The following PCSK2 variants were observed in gnomAD, a reference collection of about 807,000 sequenced individuals.
PCSK2 encodes the protein proprotein convertase subtilisin/kexin type 2.
In PCSK2, 14 loss-of-function variants were observed where a neutral mutation model predicts 69.7. The ratio of observed to expected loss-of-function variants is 0.20; its 90% CI spans 0.13 to 0.31. PCSK2 has a LOEUF of 0.31. Ranked by LOEUF, PCSK2 falls within the 10% of genes least tolerant of loss-of-function variation. The probability of loss-of-function intolerance (pLI) is 1.00; values close to 1 mark genes in which losing one functional copy is unlikely to be tolerated. For missense variants in PCSK2, 544 were observed against 842.5 expected (o/e 0.65, Z 4.39); for synonymous variants, 307 against 320.7 (o/e 0.96, Z 0.46).
rs528910473 is a variant in PCSK2, at chr20:17,228,437, G to A, written c.177+955G>A. The A allele has an allele frequency of 2.0e-5, 3 of 153,110 alleles. No homozygotes were observed. In the Admixed American group the frequency reaches 2.0e-4, roughly 10 times the overall value. 9.5% of individuals were successfully genotyped at this position (153,110 alleles called of 1,614,324 possible). Reference sequence around the variant, plus strand: ...GTCTCTCCTGCAAAAGATGTATCAGGGTTCTCCAGTGTCCTTAGGGGACCT... The same window carrying A: ...GTCTCTCCTGCAAAAGATGTATCAGAGTTCTCCAGTGTCCTTAGGGGACCT... On this transcript the variant is annotated intron_variant, in intron 1 of 11. Coordinates refer to ENST00000262545, the MANE Select transcript of PCSK2 (RefSeq NM_002594.5).
intron 1 of PCSK2, 21 bp downstream of exon 1, chr20:17,227,503 C>T (rs1273302763): frequency 1.2e-6 from 2 of 1,601,374 alleles, no homozygotes; most frequent in Non-Finnish European, 1.7e-6. Flanking sequence ...CCATGCATTT[C>T]GCATGTTGTT....
intron 2 of PCSK2, among the ~76,000 whole-genome samples, chr20:17,289,506 AG>A (rs1988624932): frequency 6.6e-6 from 1 of 152,222 alleles, no homozygotes; most frequent in South Asian, 2.1e-4. Context: ...TAAAAAATAT[AG>A]TTTATTAATT....
chr20:17,369,117 C>A, intron 4 of PCSK2, 123 bp from the exon 5 acceptor site: 1 of 771,842 alleles, frequency 1.3e-6, no homozygotes, highest in Non-Finnish European at 2.3e-6. Context: ...ATGGGGCACT[C>A]ACCCCCATGG....
intron 2 of PCSK2, among the ~76,000 whole-genome samples, chr20:17,316,541 T>C (rs1228859274): frequency 6.6e-6 from 1 of 152,186 alleles, no homozygotes; most frequent in Non-Finnish European, 1.5e-5. Flanking sequence ...AACTACTTGC[T>C]CTCAAATCCC....
At chr20:17,227,917 G>C (rs1985994678) in intron 1 of PCSK2, among the ~76,000 whole-genome samples, 1 of 152,066 alleles carries the variant, frequency 6.6e-6, no homozygotes, top group Non-Finnish European at 1.5e-5. Flanking sequence ...GAGGCTGGAC[G>C]TTTGGACACT....
chr20:17,410,844 G>C (rs528201889), intron 6 of PCSK2, among the ~76,000 whole-genome samples: 11 of 152,372 alleles, frequency 7.2e-5, no homozygotes, highest in African/African-American at 2.6e-4. Context: ...GAAGGGCCAT[G>C]AGAGGGTCTG....
intron 2 of PCSK2, among the ~76,000 whole-genome samples, chr20:17,311,739 G>T (rs1247062191): frequency 6.6e-6 from 1 of 152,122 alleles, no homozygotes; most frequent in African/African-American, 2.4e-5. Context: ...ACCCTACAAG[G>T]AGCCTATACT....
intron 2 of PCSK2, among the ~76,000 whole-genome samples, chr20:17,312,256 G>T (rs531276335): frequency 6.6e-6 from 1 of 152,044 alleles, no homozygotes; most frequent in South Asian, 2.1e-4. Context: ...GCAATCAGTG[G>T]GTGACATCCA....
At chr20:17,481,387 A>G in intron 11 of PCSK2, among the ~76,000 whole-genome samples, 197 bp from the exon 12 acceptor site, 1 of 77,804 alleles carries the variant, frequency 1.3e-5, no homozygotes. Flanking sequence ...GTCTCAAAAG[A>G]CAAAAAAAAA....
Position 17,483,258 on chromosome 20 carries a change from ATGCAATT to A in PCSK2, c.*1189_*1195del, listed in dbSNP as rs2033442149. ...GAGCCTCTTCTGCCAAGAGAGGGCC[ATGCAATT>A]CATCCCAGAGGAACCTGAGGCCTGA... On this transcript the variant is annotated 3_prime_UTR_variant, in exon 12 of 12. Coordinates refer to ENST00000262545, the MANE Select transcript of PCSK2 (RefSeq NM_002594.5). 6.6e-6 allele frequency: 1 copy of A among 152,174 alleles called. No individual in the cohort carries two copies. Among genetic ancestry groups the A allele is most frequent in the African/African-American group, 2.4e-5 (1 of 41,454 alleles). The allele number at this position is 152,174 out of a possible 1,614,324, so 9.4% of individuals were successfully genotyped here. A position where few individuals can be genotyped will look rare whatever the true frequency, so the allele number is the denominator to read the frequency against.
chr20:17,241,127 C>G (rs1298242987), intron 1 of PCSK2, among the ~76,000 whole-genome samples: 1 of 151,998 alleles, frequency 6.6e-6, no homozygotes, highest in Admixed American at 6.6e-5. Flanking sequence ...CATGTGAGGC[C>G]GTGACTGTCA....
chr20:17,352,050 C>T (rs2030007003), intron 2 of PCSK2, among the ~76,000 whole-genome samples: 1 of 152,148 alleles, frequency 6.6e-6, no homozygotes, highest in African/African-American at 2.4e-5. Flanking sequence ...TTTCTACACG[C>T]CAATAACGTT....
chr20:17,341,787 A>G (rs1990515929), intron 2 of PCSK2, among the ~76,000 whole-genome samples: 1 of 152,242 alleles, frequency 6.6e-6, no homozygotes, highest in South Asian at 2.1e-4. Flanking sequence ...ACACAAGAGT[A>G]GAATAACCAC....
In PCSK2 at chr20:17,227,222, A is replaced by G; in HGVS notation, c.-84A>G. The G allele has an allele frequency of 1.1e-6, 1 of 917,486 alleles. No individual in the cohort carries two copies. The highest frequency in any genetic ancestry group is 1.7e-6 in the Non-Finnish European group (1 of 576,626). 56.8% of individuals were successfully genotyped at this position (917,486 alleles called of 1,614,324 possible). On this transcript the variant is annotated 5_prime_UTR_variant, in exon 1 of 12. Transcript: ENST00000262545. ...ATTTTTTTAAAAACTATATATAAGA[A>G]TTCTTTATTTGCACCCTCCCTCCGA... is the stretch of plus-strand genomic sequence containing the variant.
intron 1 of PCSK2, among the ~76,000 whole-genome samples, chr20:17,255,769 A>T (rs530471492): frequency 6.6e-6 from 1 of 152,250 alleles, no homozygotes; most frequent in East Asian, 1.9e-4. Flanking sequence ...ATAGTAATTG[A>T]TTTTCAGATG....
intron 1 of PCSK2, among the ~76,000 whole-genome samples, chr20:17,232,263 C>T (rs1263668679): frequency 6.6e-6 from 1 of 152,184 alleles, no homozygotes; most frequent in Non-Finnish European, 1.5e-5. Context: ...ACATGGCTTT[C>T]CTAAGTAGTT....
intron 2 of PCSK2, among the ~76,000 whole-genome samples, chr20:17,324,971 C>T (rs1437535316): frequency 6.6e-6 from 1 of 152,158 alleles, no homozygotes; most frequent in Non-Finnish European, 1.5e-5. Flanking sequence ...CTTCTCCTTG[C>T]CACACAGTGT....
At chr20:17,391,214 A>G (rs978515206) in intron 5 of PCSK2, among the ~76,000 whole-genome samples, 1 of 152,202 alleles carries the variant, frequency 6.6e-6, no homozygotes, top group Non-Finnish European at 1.5e-5. Flanking sequence ...TAGTCCTCCC[A>G]GGAGAATCCC....
At chr20:17,363,515 G>T (rs773618259) in intron 4 of PCSK2, among the ~76,000 whole-genome samples, 4 of 152,178 alleles carry the variant, frequency 2.6e-5, no homozygotes, top group Non-Finnish European at 4.4e-5. Context: ...ATTGTTTAGA[G>T]TTGGGAACTT....
Sources: allele counts gnomAD v4.1 joint callset (sites outside exome capture counted in the v4.1 genomes callset), GRCh38; gene constraint gnomAD v4.1.1; transcripts MANE v1.5; gene names NCBI Gene and HGNC (gene_info 2026-07-23, HGNC 2026-07-21).